CYLD: variants seen among roughly 807,000 people sequenced by gnomAD.
The protein encoded by CYLD is ubiquitin carboxyl-terminal hydrolase CYLD.
In CYLD, 26 loss-of-function variants were observed where a neutral mutation model predicts 104.5. The ratio of observed to expected loss-of-function variants is 0.25; its 90% CI spans 0.18 to 0.35. CYLD has a LOEUF of 0.35. Ranked by LOEUF, CYLD falls within the 10% of genes least tolerant of loss-of-function variation. CYLD has a pLI of 1.00. For synonymous variants in CYLD, 385 were observed against 399.9 expected (o/e 0.96, Z 0.45); for missense variants, 703 against 1,136.1 (o/e 0.62, Z 5.48).
At position 50,794,140 on chromosome 16, in the gene CYLD, C is replaced by A; in HGVS notation, c.2470-72C>A. 1.5e-6 allele frequency: 2 copies of A among 1,343,198 alleles called. No individual in the cohort carries two copies. The highest frequency in any genetic ancestry group is 2.1e-6 in the Non-Finnish European group (2 of 936,242). 83.2% of individuals were successfully genotyped at this position (1,343,198 alleles called of 1,614,324 possible). A position where few individuals can be genotyped will look rare whatever the true frequency, so the allele number is the denominator to read the frequency against. ...ACAGGGTTTCACCATCTTGATCAGG[C>A]TGGTCTTGAACTCCTGACCTCGTGA... is the stretch of plus-strand genomic sequence containing the variant. On this transcript the variant is annotated intron_variant, in intron 17 of 18. Coordinates refer to ENST00000427738, the MANE Select transcript of CYLD (RefSeq NM_001378743.1). This position sits in a 1 kb window ranked among gnomAD's most constrained non-coding sequence, Gnocchi z 4.1.
chr16:50,791,850 G>T (rs1230641969), intron 15 of CYLD, among the ~76,000 whole-genome samples, 160 bp downstream of exon 15: 6 of 152,204 alleles, frequency 3.9e-5, no homozygotes, highest in African/African-American at 1.4e-4. Context: ...TTTCAACTTT[G>T]CCTTTACAGA....
intron 13 of CYLD, chr16:50,787,395 A>G: frequency 3.8e-6 from 1 of 264,944 alleles, no homozygotes; most frequent in South Asian, 4.6e-5. Context: ...TCAAAGATTC[A>G]CCACCTGACT....
chr16:50,764,702 A>T (rs1482253795), intron 5 of CYLD, among the ~76,000 whole-genome samples: 2 of 152,086 alleles, frequency 1.3e-5, no homozygotes, highest in East Asian at 1.9e-4. Context: ...TCAGCCTGGG[A>T]TGCTTTTGTC....
intron 5 of CYLD, among the ~76,000 whole-genome samples, chr16:50,754,873 A>ATG (rs1555505250): frequency 0.023 from 3,239 of 142,204 alleles, 110 homozygotes; most frequent in African/African-American, 0.093. Context: ...ACACACACAT[A>ATG]TGTATATATA....
intron 5 of CYLD, among the ~76,000 whole-genome samples, chr16:50,767,224 A>G (rs1047745916): frequency 6.6e-6 from 1 of 152,224 alleles, no homozygotes; most frequent in African/African-American, 2.4e-5. Context: ...AGGCTCAGAT[A>G]ATCATTAACA....
chr16:50,766,182 C>T (rs73584452), intron 5 of CYLD, among the ~76,000 whole-genome samples: 6,215 of 152,256 alleles, frequency 0.041, 383 homozygotes, highest in African/African-American at 0.13. Flanking sequence ...GGGGTTAATG[C>T]AGTTGGTGAC....
Position 50,754,301 on chromosome 16 carries a change from T to A in CYLD, c.808-18T>A. The A allele has an allele frequency of 6.7e-7, 1 of 1,498,116 alleles. No homozygotes were observed. Among genetic ancestry groups the A allele is most frequent in the Non-Finnish European group, 9.3e-7 (1 of 1,075,052 alleles). 92.8% of individuals were successfully genotyped at this position (1,498,116 alleles called of 1,614,324 possible). On this transcript the variant is annotated intron_variant, in intron 4 of 18. Transcript: ENST00000427738. ...ATTTCATTGAGGAGGATTTTAATGT[T>A]TATTATTTAATTTCTAGGATAACCC...
At chr16:50,761,780 C>CTATCTATCTATATA (rs1567432695) in intron 5 of CYLD, among the ~76,000 whole-genome samples, 9 of 16,602 alleles carry the variant, frequency 5.4e-4, no homozygotes, top group Admixed American at 4.1e-3. Flanking sequence ...CTATCTATAT[C>CTATCTATCTATATA]TTTGACCCAT....
chr16:50,765,186 A>G (rs1424560608), intron 5 of CYLD, among the ~76,000 whole-genome samples: 1 of 152,106 alleles, frequency 6.6e-6, no homozygotes. Context: ...GCTTTGGGCA[A>G]GTCTGTCAAT....
Position 50,786,963 on chromosome 16 carries a change from A to G in CYLD, c.2041+17A>G. 6.3e-7 allele frequency: 1 copy of G among 1,584,528 alleles called. No homozygotes were observed. The highest frequency in any genetic ancestry group is 1.3e-5 in the African/African-American group (1 of 74,494). On this transcript the variant is annotated intron_variant, in intron 13 of 18. Coordinates refer to ENST00000427738, the MANE Select transcript of CYLD (RefSeq NM_001378743.1). ...AAGAAAAAGGTGACCATCTTAACTT[A>G]TATGCGTTAAAAATAACTGAAGAGC... is the stretch of plus-strand genomic sequence containing the variant.
chr16:50,773,109 C>G (rs961347572), intron 5 of CYLD, among the ~76,000 whole-genome samples: 5 of 152,138 alleles, frequency 3.3e-5, no homozygotes, highest in Admixed American at 3.3e-4. Context: ...ATGTTAAATT[C>G]TCATTTGAGT....
chr16:50,753,710 TGTA>T (rs1966805268), intron 4 of CYLD, among the ~76,000 whole-genome samples: 1 of 152,216 alleles, frequency 6.6e-6, no homozygotes, highest in South Asian at 2.1e-4. Flanking sequence ...CGTCTACTGA[TGTA>T]GTTCCCTGTA....
intron 18 of CYLD, chr16:50,795,492 G>T: frequency 1.4e-6 from 1 of 701,824 alleles, no homozygotes; most frequent in South Asian, 1.5e-5. Flanking sequence ...GCCTGGGCAA[G>T]GTTGTGAGGT....
At position 50,791,547 on chromosome 16, in the gene CYLD, C is replaced by T. The variant is rs773774876; in HGVS notation, c.2109-11C>T. On this transcript the variant is annotated splice_polypyrimidine_tract_variant and intron_variant, in intron 14 of 18. Coordinates refer to ENST00000427738, the MANE Select transcript of CYLD (RefSeq NM_001378743.1). ...TAGGTTGTATGTATTTTTTTCTCTG[C>T]GTGTTTTTAGATCAGCAGGTCAAAA... The T allele has an allele frequency of 1.1e-5, 18 of 1,613,098 alleles. No individual in the cohort carries two copies. Among genetic ancestry groups the T allele is most frequent in the East Asian group, 2.2e-5 (1 of 44,794 alleles).
At chr16:50,758,689 G>A (rs1334217292) in intron 5 of CYLD, among the ~76,000 whole-genome samples, 1 of 152,098 alleles carries the variant, frequency 6.6e-6, no homozygotes, top group African/African-American at 2.4e-5. Flanking sequence ...TGAGGTTTGA[G>A]AGAGAGAACA....
At position 50,784,885 on chromosome 16, in the gene CYLD, A is replaced by G. The variant is rs138684877; in HGVS notation, c.1949+434A>G. ...AAGGGAAATTCTTTATAGAATAGCT[A>G]GTGTTTAATACTTTGGACTAGCAAC... is the stretch of plus-strand genomic sequence containing the variant. On this transcript the variant is annotated intron_variant, in intron 12 of 18. Coordinates refer to ENST00000427738, the MANE Select transcript of CYLD (RefSeq NM_001378743.1). The G allele has an allele frequency of 9.1e-4, 179 of 195,960 alleles. 1 individual carries two copies. Among genetic ancestry groups the G allele is most frequent in the African/African-American group, 4.2e-3 (177 of 42,058 alleles). The allele number at this position is 195,960 out of a possible 1,614,324, so 12.1% of individuals were successfully genotyped here.
At chr16:50,748,678 TA>T (rs1378555953) in intron 2 of CYLD, among the ~76,000 whole-genome samples, 1 of 152,230 alleles carries the variant, frequency 6.6e-6, no homozygotes, top group African/African-American at 2.4e-5. Context: ...AATTGATTTT[TA>T]AAATATTTTT....
chr16:50,743,609 C>T (rs1965909551), intron 2 of CYLD, among the ~76,000 whole-genome samples: 1 of 152,132 alleles, frequency 6.6e-6, no homozygotes, highest in South Asian at 2.1e-4. Context: ...GTCTCCAACA[C>T]AGGGAGAGAG....
At chr16:50,762,323 C>T (rs965896043) in intron 5 of CYLD, among the ~76,000 whole-genome samples, 1 of 152,088 alleles carries the variant, frequency 6.6e-6, no homozygotes, top group Non-Finnish European at 1.5e-5. Flanking sequence ...GATAGTTTTG[C>T]GTTTTTACAT....
Sources: gnomAD v4.1 joint callset for allele counts (sites outside exome capture counted in the v4.1 genomes callset) on GRCh38, gnomAD v4.1.1 for gene constraint, Gnocchi (gnomAD v3.1) non-coding constraint, MANE v1.5 for transcripts, NCBI Gene and HGNC (gene_info 2026-07-23, HGNC 2026-07-21) for gene names.